THEMIS: variants seen among roughly 807,000 people sequenced by gnomAD.
THEMIS encodes the protein protein THEMIS.
In THEMIS, 37 loss-of-function variants were observed where a neutral mutation model predicts 52.6. That is an observed-to-expected ratio of 0.70 (90% CI 0.54 to 0.93). The LOEUF is 0.93. Ranked by LOEUF, THEMIS falls within the 40% of genes least tolerant of loss-of-function variation. The pLI is 0.00. For missense variants in THEMIS, 808 were observed against 763.1 expected (o/e 1.06, Z -0.69); for synonymous variants, 292 against 272.7 (o/e 1.07, Z -0.70).
chr6:127,721,014 G>A (rs1562213562), intron 4 of THEMIS, among the ~76,000 whole-genome samples: 1 of 151,876 alleles, frequency 6.6e-6, no homozygotes, highest in Admixed American at 6.6e-5. Context: ...GGCTTCTTCT[G>A]GCCCAATAGG....
At chr6:127,818,582 C>CAAAA (rs201551010) in intron 3 of THEMIS, among the ~76,000 whole-genome samples, 1 of 111,010 alleles carries the variant, frequency 9.0e-6, no homozygotes, top group Non-Finnish European at 1.9e-5. Context: ...GTCTGGCTTT[C>CAAAA]AAAAAAAAAA....
chr6:127,882,865 C>T (rs967823993), intron 1 of THEMIS, among the ~76,000 whole-genome samples: 32 of 151,480 alleles, frequency 2.1e-4, no homozygotes, highest in African/African-American at 6.3e-4. Flanking sequence ...TATTTGAGCC[C>T]GAAAAAATTA....
chr6:127,912,332 G>A (rs1562336247), intron 1 of THEMIS, among the ~76,000 whole-genome samples: 3 of 152,140 alleles, frequency 2.0e-5, no homozygotes, highest in Admixed American at 2.0e-4. Context: ...CATAAGTGGA[G>A]GGAACTTGCC....
At chr6:127,905,047 C>T (rs148121829), upstream of THEMIS, among the ~76,000 whole-genome samples, 269 of 151,916 alleles carry the variant, frequency 1.8e-3, 1 homozygote, top group African/African-American at 6.2e-3. Context: ...TGAGTCCCAA[C>T]GTGAGAGGAG....
chr6:127,888,131 C>G (rs1164607607), intron 1 of THEMIS, among the ~76,000 whole-genome samples: 1 of 151,928 alleles, frequency 6.6e-6, no homozygotes, highest in Non-Finnish European at 1.5e-5. Flanking sequence ...GAGAATATCC[C>G]CAAATTTGAG....
chr6:127,777,251 G>T (rs1490798914), intron 4 of THEMIS, among the ~76,000 whole-genome samples: 1 of 145,602 alleles, frequency 6.9e-6, no homozygotes, highest in Non-Finnish European at 1.5e-5. Flanking sequence ...TACATTAATT[G>T]CAAATATTTT....
At chr6:127,705,895 C>G (rs1773791925), downstream of THEMIS, among the ~76,000 whole-genome samples, 2 of 152,154 alleles carry the variant, frequency 1.3e-5, no homozygotes, top group Admixed American at 6.5e-5. Flanking sequence ...CCAGGGTACC[C>G]TTAGGATCAG....
At chr6:127,808,957 G>C (rs1215026532) in intron 4 of THEMIS, among the ~76,000 whole-genome samples, 1 of 152,138 alleles carries the variant, frequency 6.6e-6, no homozygotes, top group Non-Finnish European at 1.5e-5. Context: ...CTAATGCAGG[G>C]TGAATTTTAG....
intron 4 of THEMIS, among the ~76,000 whole-genome samples, chr6:127,763,222 G>T (rs1310105785): frequency 6.6e-6 from 1 of 151,910 alleles, no homozygotes; most frequent in Non-Finnish European, 1.5e-5. Context: ...TTTAATTTAG[G>T]TGCACTCACC....
At chr6:127,711,805 G>A (rs1378249063) in intron 5 of THEMIS, among the ~76,000 whole-genome samples, 1 of 151,918 alleles carries the variant, frequency 6.6e-6, no homozygotes. Flanking sequence ...TTAGGGAGCA[G>A]GGGGATGGGA....
At chr6:127,868,706 T>C (rs890178805) in intron 1 of THEMIS, among the ~76,000 whole-genome samples, 9 of 152,160 alleles carry the variant, frequency 5.9e-5, no homozygotes, top group Non-Finnish European at 8.8e-5. Context: ...AGAGGAATGG[T>C]TCAGGAGCAC....
intron 1 of THEMIS, among the ~76,000 whole-genome samples, chr6:127,890,559 C>T (rs539213625): frequency 1.4e-4 from 21 of 152,048 alleles, no homozygotes; most frequent in Middle Eastern, 3.4e-3. Flanking sequence ...AACTTATTGT[C>T]TATTTCAAAA....
intron 2 of THEMIS, among the ~76,000 whole-genome samples, chr6:127,843,722 G>A (rs914170515): frequency 2.0e-5 from 3 of 151,862 alleles, no homozygotes; most frequent in Admixed American, 6.6e-5. Context: ...TGATCAAAAG[G>A]GTATGGTAGA....
chr6:127,858,292 C>A (rs1779683677), intron 1 of THEMIS, among the ~76,000 whole-genome samples: 1 of 152,064 alleles, frequency 6.6e-6, no homozygotes, highest in African/African-American at 2.4e-5. Context: ...AAGCTCACTT[C>A]TTTCAGTCAC....
At chr6:127,712,683 T>A (rs541550778) in intron 5 of THEMIS, among the ~76,000 whole-genome samples, 1 of 152,018 alleles carries the variant, frequency 6.6e-6, no homozygotes, top group Non-Finnish European at 1.5e-5. Flanking sequence ...ATTTCATTCA[T>A]AGAAGAGTAG....
At chr6:127,913,048 C>G (rs540214451) in intron 1 of THEMIS, among the ~76,000 whole-genome samples, 1 of 152,276 alleles carries the variant, frequency 6.6e-6, no homozygotes, top group South Asian at 2.1e-4. Flanking sequence ...AGGGGTCTGA[C>G]TAGGATATTT....
chr6:127,890,977 A>G (rs1438906806), intron 1 of THEMIS, among the ~76,000 whole-genome samples: 1 of 152,138 alleles, frequency 6.6e-6, no homozygotes, highest in Non-Finnish European at 1.5e-5. Flanking sequence ...TGGATAGGGC[A>G]TTCCAACCAC....
At chr6:127,754,238 C>T (rs909228709) in intron 4 of THEMIS, among the ~76,000 whole-genome samples, 14 of 152,172 alleles carry the variant, frequency 9.2e-5, no homozygotes, top group Admixed American at 6.6e-4. Flanking sequence ...TTCTACAAAG[C>T]ATTCTCAACC....
upstream of THEMIS, among the ~76,000 whole-genome samples, chr6:127,903,039 T>G (rs975131210): frequency 6.6e-6 from 1 of 152,088 alleles, no homozygotes; most frequent in South Asian, 2.1e-4. Flanking sequence ...TCTGTGATAA[T>G]CATCTTCGTA....
Sources: allele counts gnomAD v4.1 joint callset (sites outside exome capture counted in the v4.1 genomes callset), GRCh38; gene constraint gnomAD v4.1.1; transcripts MANE v1.5; gene names NCBI Gene and HGNC (gene_info 2026-07-23, HGNC 2026-07-21).